PRKG1: variants seen among roughly 807,000 people sequenced by gnomAD.
The protein encoded by PRKG1 is protein kinase cGMP-dependent 1, also known as cGMP-dependent protein kinase 1.
In PRKG1, 35 loss-of-function variants were observed where a neutral mutation model predicts 88.1. The ratio of observed to expected loss-of-function variants is 0.40; its 90% confidence interval spans 0.30 to 0.53. The LOEUF (loss-of-function observed/expected upper bound fraction) is 0.53. PRKG1 is among the 20% of genes least tolerant of loss of function. The probability of loss-of-function intolerance (pLI) is 0.59; values close to 1 mark genes in which losing one functional copy is unlikely to be tolerated. For missense variants in PRKG1, 540 were observed against 839.8 expected, an observed-to-expected ratio of 0.64 and a Z score of 4.41; for synonymous variants, 303 against 292.5, an observed-to-expected ratio of 1.04 and a Z score of -0.37.
intron 3 of PRKG1, among the ~76,000 whole-genome samples, chr10:51,715,600 A>G (rs1281640060): frequency 6.6e-6 from 1 of 152,232 alleles, no homozygotes; most frequent in Non-Finnish European, 1.5e-5. Context: ...AGCAATAAAC[A>G]TCTGTTAAAA....
At chr10:51,165,723 A>C (rs1243903955) in intron 2 of PRKG1, among the ~76,000 whole-genome samples, 5 of 151,902 alleles carry the variant, frequency 3.3e-5, no homozygotes, top group Non-Finnish European at 5.9e-5. Context: ...AATGGAAAAC[A>C]AAAAAAAGGC....
rs182332071 is a variant in PRKG1, at chr10:51,485,294, A to G, written c.592+17458A>G. ...AATCAATTCCTTTGGAGTTCCAATTATTGGGAAGAAACTACTTGGAATTCT... is the reference window on the plus strand; with the variant it reads ...AATCAATTCCTTTGGAGTTCCAATTGTTGGGAAGAAACTACTTGGAATTCT... On this transcript the variant is annotated intron_variant, in intron 3 of 17. Coordinates refer to ENST00000373980, the MANE Select transcript of PRKG1 (RefSeq NM_006258.4). Among the ~76,000 whole-genome samples the G allele has an allele frequency of 3.9e-5, 6 of 152,316 alleles. No homozygotes were observed. In the East Asian group the frequency reaches 1.2e-3, roughly 29 times the overall value.
chr10:51,644,018 T>C (rs1002397353), intron 3 of PRKG1, among the ~76,000 whole-genome samples: 5 of 152,150 alleles, frequency 3.3e-5, no homozygotes, highest in African/African-American at 1.2e-4. Flanking sequence ...GTTGTGAGGA[T>C]TAACTAAAAG....
At chr10:51,871,810 A>G (rs551521829) in intron 4 of PRKG1, among the ~76,000 whole-genome samples, 1 of 152,172 alleles carries the variant, frequency 6.6e-6, no homozygotes, top group Non-Finnish European at 1.5e-5. Flanking sequence ...TGTGGCTTAT[A>G]CATGTGCAGA....
chr10:51,731,391 G>C (rs1362807925), intron 3 of PRKG1, among the ~76,000 whole-genome samples: 1 of 152,110 alleles, frequency 6.6e-6, no homozygotes, highest in East Asian at 1.9e-4. Flanking sequence ...ACAAAGTGGT[G>C]TCTGTATTTT....
chr10:52,017,643 T>G (rs997206124), intron 5 of PRKG1, among the ~76,000 whole-genome samples: 7 of 152,170 alleles, frequency 4.6e-5, no homozygotes, highest in Admixed American at 1.3e-4. Context: ...ATATGATACT[T>G]GCAAAATGCC....
At chr10:51,670,735 C>CAA (rs1181738888) in intron 3 of PRKG1, among the ~76,000 whole-genome samples, 9 of 116,714 alleles carry the variant, frequency 7.7e-5, no homozygotes, top group African/African-American at 2.9e-4. Flanking sequence ...GACTCCGTCT[C>CAA]AAAAAAAAAT....
rs1368868982 is a variant in PRKG1, at chr10:51,696,076, T to C, written c.593-108509T>C. On this transcript the variant is annotated intron_variant, in intron 3 of 17. Coordinates refer to ENST00000373980, the MANE Select transcript of PRKG1 (RefSeq NM_006258.4). Reference sequence around the variant, plus strand: ...AACCAATTTTTAATTGTCTCATTGGTATGTATATTAGGACTAAATGGCTGT... The same window carrying C: ...AACCAATTTTTAATTGTCTCATTGGCATGTATATTAGGACTAAATGGCTGT... 7 of 152,282 alleles carry C rather than the reference T, an allele frequency of 4.6e-5. No individual in the cohort carries two copies. The East Asian group carries it at 1.4e-3, about 29-fold the overall frequency. The allele number at this position is 152,282 out of a possible 1,614,324, so 9.4% of individuals were successfully genotyped here. A position where few individuals can be genotyped will look rare whatever the true frequency, so the allele number is the denominator to read the frequency against.
rs73331360 is a variant in PRKG1 at position 51,827,034 on chromosome 10, C to G, written c.698+22344C>G. 4.1e-3 allele frequency among the ~76,000 whole-genome samples: 619 copies of G among 152,184 alleles called. 4 individuals are homozygous for G. The highest frequency in any genetic ancestry group is 0.014 in the African/African-American group (592 of 41,524). Reference sequence around the variant, plus strand: ...CACTAAAAGAAACAATTAGTTTTCCCAGTGATGACTGATGAATTATTTTAA... The same window carrying G: ...CACTAAAAGAAACAATTAGTTTTCCGAGTGATGACTGATGAATTATTTTAA... On this transcript the variant is annotated intron_variant, in intron 4 of 17. Coordinates refer to ENST00000373980, the MANE Select transcript of PRKG1 (RefSeq NM_006258.4).
chr10:51,019,802 A>G (rs1843112807), intron 1 of PRKG1, among the ~76,000 whole-genome samples: 1 of 152,076 alleles, frequency 6.6e-6, no homozygotes, highest in Admixed American at 6.6e-5. Context: ...GCAACAAAAC[A>G]AAACAAAAAA....
At chr10:51,997,603 CA>C (rs995330480) in intron 5 of PRKG1, among the ~76,000 whole-genome samples, 5 of 151,744 alleles carry the variant, frequency 3.3e-5, no homozygotes, top group African/African-American at 1.2e-4. Context: ...CAAATGATAA[CA>C]TTGTGAAATA....
rs142254355 is a variant in PRKG1, at chr10:51,490,070, A to G, written c.592+22234A>G. On this transcript the variant is annotated intron_variant, in intron 3 of 17. Coordinates refer to ENST00000373980, the MANE Select transcript of PRKG1 (RefSeq NM_006258.4). ...CAGTTTCATTTCTAAACAAGATGAAACAGTTGTTTAGGTATTTGTCTCTGG... is the reference window on the plus strand; with the variant it reads ...CAGTTTCATTTCTAAACAAGATGAAGCAGTTGTTTAGGTATTTGTCTCTGG... 3.9e-3 allele frequency among the ~76,000 whole-genome samples: 586 copies of G among 152,168 alleles called. 5 individuals are homozygous for G. The highest frequency in any genetic ancestry group is 0.013 in the African/African-American group (557 of 41,536).
intron 5 of PRKG1, among the ~76,000 whole-genome samples, chr10:51,947,217 C>G (rs1005357623): frequency 2.0e-5 from 3 of 152,180 alleles, no homozygotes; most frequent in African/African-American, 4.8e-5. Flanking sequence ...TGATCTCAGA[C>G]TGCTGTGCTA....
At chr10:52,018,736 T>A (rs918951456) in intron 5 of PRKG1, among the ~76,000 whole-genome samples, 1 of 152,190 alleles carries the variant, frequency 6.6e-6, no homozygotes, top group African/African-American at 2.4e-5. Flanking sequence ...GGACTTTAAT[T>A]CAAGACCTCT....
At chr10:51,056,164 G>T (rs16913279) in intron 1 of PRKG1, among the ~76,000 whole-genome samples, 3,615 of 152,254 alleles carry the variant, frequency 0.024, 137 homozygotes, top group African/African-American at 0.077. Context: ...ATGGAGTGAG[G>T]TTATATATAA....
chr10:51,699,401 T>C, intron 3 of PRKG1: 1 of 1,614,060 alleles, frequency 6.2e-7, no homozygotes, highest in Non-Finnish European at 8.5e-7. Context: ...CGTCTCTCTA[T>C]CGTATACCAG....
chr10:51,911,365 T>C (rs1204383598), intron 5 of PRKG1, among the ~76,000 whole-genome samples: 1 of 151,872 alleles, frequency 6.6e-6, no homozygotes, highest in Non-Finnish European at 1.5e-5. Flanking sequence ...CATGAAATTC[T>C]TTAATCATTG....
At chr10:52,037,061 G>T (rs570624621) in intron 5 of PRKG1, among the ~76,000 whole-genome samples, 180 of 152,398 alleles carry the variant, frequency 1.2e-3, no homozygotes, top group African/African-American at 4.2e-3. Context: ...ATCTGGGAAG[G>T]AGTCAGTCAG....
chr10:51,561,435 G>A (rs1837459337), intron 3 of PRKG1, among the ~76,000 whole-genome samples: 1 of 152,152 alleles, frequency 6.6e-6, no homozygotes, highest in Non-Finnish European at 1.5e-5. Context: ...AGTCATCTCA[G>A]TAATAACCGT....
Sources: allele counts gnomAD v4.1 joint callset (sites outside exome capture counted in the v4.1 genomes callset), GRCh38; gene constraint gnomAD v4.1.1; transcripts MANE v1.5; gene names NCBI Gene and HGNC (gene_info 2026-07-23, HGNC 2026-07-21).